Variants in NFATC3 observed in about 807,000 individuals in gnomAD.
NFATC3 encodes the protein nuclear factor of activated T cells 3.
Under a neutral mutation model 98.6 loss-of-function variants are expected in NFATC3, and 46 were observed. The observed-to-expected ratio is 0.47, with a 90% confidence interval of 0.37 to 0.60. NFATC3 has a LOEUF of 0.60. Ranked by LOEUF, NFATC3 falls within the 20% of genes least tolerant of loss-of-function variation. NFATC3 has a pLI of 0.00. For synonymous variants in NFATC3, 512 were observed against 472.2 expected, an observed-to-expected ratio of 1.08 and a Z score of -1.09; for missense variants, 1,256 against 1,295.5, an observed-to-expected ratio of 0.97 and a Z score of 0.47.
chr16:68,218,514 CAAAAAAA>C (rs1326968858), intron 9 of NFATC3, among the ~76,000 whole-genome samples: 1 of 59,418 alleles, frequency 1.7e-5, no homozygotes, highest in South Asian at 6.0e-4. Context: ...GAGAGCCTCT[CAAAAAAA>C]AAAAAAAAAA....
At chr16:68,124,431 CTTTTTTTTTTTTT>C (rs60875488) in intron 2 of NFATC3, among the ~76,000 whole-genome samples, 3 of 130,872 alleles carry the variant, frequency 2.3e-5, no homozygotes, top group Non-Finnish European at 4.8e-5. Flanking sequence ...TCTTTTCTTT[CTTTTTTTTTTTTT>C]TTTTAAGAGA....
In NFATC3 at chr16:68,166,871, C is replaced by G; in HGVS notation, c.1630C>G (p.Arg544Gly). Residue 544 changes from arginine to glycine, a missense_variant, in exon 5 of 10, where the codon CGC becomes GGC. Physicochemically the swap from Arg to Gly is moderately radical, Grantham distance 125 (BLOSUM62 -2). Transcript: ENST00000346183. ...SIDCAGILKL[R>G]NSDIELRKGE... Reference sequence around the variant, plus strand: ...TGATTGTGCAGGTATTTTGAAACTCCGCAATTCAGATATAGAACTTCGAAA... The same window carrying G: ...TGATTGTGCAGGTATTTTGAAACTCGGCAATTCAGATATAGAACTTCGAAA... 6.2e-7 allele frequency: 1 copy of G among 1,613,418 alleles called. No homozygotes were observed. The highest frequency in any genetic ancestry group is 8.5e-7 in the Non-Finnish European group (1 of 1,179,728).
In NFATC3 at chr16:68,184,787, G is replaced by C. The variant is rs554060286; in HGVS notation, c.2098+1421G>C. Among the ~76,000 whole-genome samples the C allele has an allele frequency of 1.5e-4, 23 of 151,724 alleles. No individual in the cohort carries two copies. In the South Asian group the frequency reaches 4.6e-3, roughly 30 times the overall value. On this transcript the variant is annotated intron_variant, in intron 8 of 9. Coordinates refer to ENST00000346183, the MANE Select transcript of NFATC3 (RefSeq NM_173165.3). ...CCACTGCACTCCAGCCTGGGCAACA[G>C]AGCGAGACTCTGTCTCAAAAAACAA... is the stretch of plus-strand genomic sequence containing the variant.
At chr16:68,160,134 A>G (rs1199169788) in intron 4 of NFATC3, among the ~76,000 whole-genome samples, 1 of 152,198 alleles carries the variant, frequency 6.6e-6, no homozygotes, top group Non-Finnish European at 1.5e-5. Flanking sequence ...TTATATTTAA[A>G]TAAACTTTTT....
chr16:68,156,436 T>C (rs1310420232), intron 3 of NFATC3, among the ~76,000 whole-genome samples: 1 of 152,158 alleles, frequency 6.6e-6, no homozygotes, highest in East Asian at 1.9e-4. Context: ...TTCAACAAAA[T>C]GCTTAGCAAC....
intron 3 of NFATC3, among the ~76,000 whole-genome samples, chr16:68,142,103 T>G (rs992771664): frequency 5.3e-5 from 8 of 152,178 alleles, no homozygotes; most frequent in Admixed American, 3.3e-4. Context: ...TTGTCAAAGA[T>G]CAGCTGGTTG....
chr16:68,189,215 T>C (rs1017188136), intron 8 of NFATC3: 4 of 152,336 alleles, frequency 2.6e-5, no homozygotes, highest in Admixed American at 2.6e-4. Context: ...TATTGTAGCT[T>C]TGTGTAGTAA....
At chr16:68,090,002 T>G (rs1598337192) in intron 1 of NFATC3, among the ~76,000 whole-genome samples, 1 of 152,296 alleles carries the variant, frequency 6.6e-6, no homozygotes, top group African/African-American at 2.4e-5. Context: ...ATGTGTAATT[T>G]TTTTCAGATA....
chr16:68,093,549 T>C (rs1053173653), intron 1 of NFATC3, among the ~76,000 whole-genome samples: 1 of 152,182 alleles, frequency 6.6e-6, no homozygotes, highest in Non-Finnish European at 1.5e-5. Flanking sequence ...CTACAGTTCT[T>C]TTTGCGCAAC....
chr16:68,095,617 G>C (rs922378184), intron 1 of NFATC3, among the ~76,000 whole-genome samples: 2 of 152,180 alleles, frequency 1.3e-5, no homozygotes, highest in Non-Finnish European at 2.9e-5. Flanking sequence ...GCCTCCCAAA[G>C]TGCTGGGATT....
intron 1 of NFATC3, among the ~76,000 whole-genome samples, chr16:68,116,948 T>G (rs1352461581): frequency 2.6e-5 from 4 of 152,232 alleles, no homozygotes; most frequent in Non-Finnish European, 5.9e-5. Context: ...TCTGGATGAC[T>G]TCAAGGTGCT....
chr16:68,197,456 A>C (rs1228057357), intron 9 of NFATC3, among the ~76,000 whole-genome samples: 2 of 152,044 alleles, frequency 1.3e-5, no homozygotes, highest in African/African-American at 4.8e-5. Context: ...GCTAATAGTT[A>C]ACTTTAAAAG....
intron 1 of NFATC3, among the ~76,000 whole-genome samples, chr16:68,119,905 G>A (rs762973249): frequency 3.3e-5 from 5 of 152,086 alleles, no homozygotes; most frequent in Non-Finnish European, 5.9e-5. Flanking sequence ...GAATCATGTT[G>A]TTTCCAGTGT....
chr16:68,151,045 A>G (rs1216861691), intron 3 of NFATC3, among the ~76,000 whole-genome samples: 1 of 152,180 alleles, frequency 6.6e-6, no homozygotes, highest in Non-Finnish European at 1.5e-5. Flanking sequence ...CAGTATGAGA[A>G]TGGACTAATA....
At chr16:68,160,693 A>AT (rs60641205) in intron 4 of NFATC3, among the ~76,000 whole-genome samples, 17,735 of 147,418 alleles carry the variant, frequency 0.12, 1,161 homozygotes, top group South Asian at 0.2. Flanking sequence ...CTACTCTTAA[A>AT]TTTTTTTTTT....
In NFATC3 at chr16:68,226,341, G is replaced by GT; in HGVS notation, c.3107-4dup. The GT allele has an allele frequency of 6.4e-7, 1 of 1,572,158 alleles. No homozygotes were observed. Among genetic ancestry groups the GT allele is most frequent in the Non-Finnish European group, 8.6e-7 (1 of 1,163,882 alleles). On this transcript the variant is annotated splice_polypyrimidine_tract_variant and intron_variant, in intron 9 of 9. Transcript: ENST00000346183. ...GTCACTAATCACTCTCCCTTTTCTT[G>GT]TTTTTCAGTGAACGAGATAATTGGG...
intron 9 of NFATC3, among the ~76,000 whole-genome samples, chr16:68,202,239 C>G (rs1676637961): frequency 6.6e-6 from 1 of 152,062 alleles, no homozygotes; most frequent in Non-Finnish European, 1.5e-5. Flanking sequence ...CAGTAACATG[C>G]TGATCCTGAA....
chr16:68,163,405 C>G (rs1242825903), intron 4 of NFATC3, among the ~76,000 whole-genome samples: 1 of 151,106 alleles, frequency 6.6e-6, no homozygotes, highest in Non-Finnish European at 1.5e-5. Flanking sequence ...GGCGGCTGGC[C>G]GGGCAGAGGG....
At chr16:68,174,772 C>G (rs765517457) in intron 6 of NFATC3, among the ~76,000 whole-genome samples, 1 of 152,138 alleles carries the variant, frequency 6.6e-6, no homozygotes, top group Non-Finnish European at 1.5e-5. Flanking sequence ...CACTTAGGCC[C>G]AGAAGTTCTA....
Sources: gnomAD v4.1 joint callset for allele counts (sites outside exome capture counted in the v4.1 genomes callset) on GRCh38, gnomAD v4.1.1 for gene constraint, MANE v1.5 for transcripts, NCBI Gene and HGNC (gene_info 2026-07-23, HGNC 2026-07-21) for gene names.